Variants in SV2C observed in about 807,000 individuals in gnomAD.
The protein encoded by SV2C is solute carrier family 22 member B3.
In SV2C, 49 loss-of-function variants were observed where a neutral mutation model predicts 79.7. That is an observed-to-expected ratio of 0.61 (90% CI 0.49 to 0.78). The LOEUF (loss-of-function observed/expected upper bound fraction) is 0.78. SV2C is among the 30% of genes least tolerant of loss of function. The pLI is 0.00. For synonymous variants in SV2C, 334 were observed against 333.2 expected, an observed-to-expected ratio of 1.00 and a Z score of -0.03; for missense variants, 833 against 912.9, an observed-to-expected ratio of 0.91 and a Z score of 1.13.
intron 2 of SV2C, among the ~76,000 whole-genome samples, chr5:76,157,700 C>A (rs1400711926): frequency 6.6e-6 from 1 of 151,562 alleles, no homozygotes; most frequent in Non-Finnish European, 1.5e-5. Context: ...GTAACAAATT[C>A]ACATAAACAA....
the SV2C span, among the ~76,000 whole-genome samples, chr5:75,975,435 T>C: frequency 6.6e-6 from 1 of 152,306 alleles, no homozygotes; most frequent in South Asian, 2.1e-4. Flanking sequence ...ATAGACATAT[T>C]TTATTTCCAA....
intron 4 of SV2C, among the ~76,000 whole-genome samples, chr5:76,237,184 T>C (rs886107676): frequency 1.3e-5 from 2 of 152,206 alleles, no homozygotes; most frequent in Admixed American, 6.5e-5. Flanking sequence ...CACCAATCTA[T>C]ACCAATCAGT....
chr5:75,986,671 C>T, the SV2C span, among the ~76,000 whole-genome samples: 1 of 151,960 alleles, frequency 6.6e-6, no homozygotes, highest in East Asian at 1.9e-4. Context: ...GGACAGTCTT[C>T]GAAGGGCAGG....
chr5:76,114,609 C>T (rs1395174181), intron 1 of SV2C, among the ~76,000 whole-genome samples: 1 of 152,200 alleles, frequency 6.6e-6, no homozygotes, highest in Non-Finnish European at 1.5e-5. Flanking sequence ...TCACATTGCC[C>T]TGATTCCCTC....
At chr5:76,117,919 A>C (rs1198406794) in intron 1 of SV2C, among the ~76,000 whole-genome samples, 2 of 152,178 alleles carry the variant, frequency 1.3e-5, no homozygotes, top group Admixed American at 6.5e-5. Context: ...ACAGTGAAAA[A>C]CACTGTGCAT....
intron 4 of SV2C, among the ~76,000 whole-genome samples, chr5:76,244,106 T>G (rs1745875844): frequency 6.6e-6 from 1 of 152,170 alleles, no homozygotes; most frequent in Admixed American, 6.5e-5. Context: ...ATAACACACA[T>G]TCAATATGGC....
chr5:76,320,833 C>CT (rs1468916360), intron 12 of SV2C, among the ~76,000 whole-genome samples: 3 of 152,332 alleles, frequency 2.0e-5, no homozygotes, highest in African/African-American at 7.2e-5. Context: ...AGCTTACCCT[C>CT]TTCTCAAGAA....
At chr5:76,103,807 A>G (rs1419384552) in intron 1 of SV2C, among the ~76,000 whole-genome samples, 28 of 152,220 alleles carry the variant, frequency 1.8e-4, no homozygotes, top group Admixed American at 1.7e-3. Context: ...AATAATATCT[A>G]TTTTACACAA....
At chr5:76,034,260 C>T in the SV2C span, among the ~76,000 whole-genome samples, 63,048 of 151,518 alleles carry the variant, frequency 0.42, 15,122 homozygotes, top group Middle Eastern at 0.58. Flanking sequence ...TGCCTGATTG[C>T]CCTGGCCAGA....
intron 1 of SV2C, among the ~76,000 whole-genome samples, chr5:76,121,040 A>G (rs1748475498): frequency 6.6e-6 from 1 of 150,454 alleles, no homozygotes; most frequent in South Asian, 2.1e-4. Flanking sequence ...TTGTTTCCTG[A>G]CTTTTTAATG....
At chr5:75,958,366 A>C in the SV2C span, among the ~76,000 whole-genome samples, 1 of 151,928 alleles carries the variant, frequency 6.6e-6, no homozygotes. Context: ...AACCCTCATC[A>C]CTAGTAATTT....
chr5:76,279,662 G>A (rs921533403), intron 4 of SV2C, among the ~76,000 whole-genome samples: 1 of 152,136 alleles, frequency 6.6e-6, no homozygotes, highest in African/African-American at 2.4e-5. Context: ...TGAGAATACT[G>A]GGGGAGAAAG....
the SV2C span, among the ~76,000 whole-genome samples, chr5:75,848,603 C>T: frequency 3.9e-5 from 6 of 152,284 alleles, no homozygotes; most frequent in Non-Finnish European, 7.4e-5. Flanking sequence ...ACAGAAACAA[C>T]TTTGGGTTAT....
chr5:75,990,198 T>C, the SV2C span, among the ~76,000 whole-genome samples: 1 of 152,060 alleles, frequency 6.6e-6, no homozygotes, highest in Non-Finnish European at 1.5e-5. Context: ...GCCTTTGGCA[T>C]CTTCATCATG....
intron 2 of SV2C, among the ~76,000 whole-genome samples, chr5:76,179,273 A>G (rs1227302035): frequency 6.6e-6 from 1 of 152,210 alleles, no homozygotes; most frequent in African/African-American, 2.4e-5. Flanking sequence ...AGAATGAATG[A>G]ACGAATGCAG....
At chr5:76,303,433 C>T (rs554805726) in intron 12 of SV2C, among the ~76,000 whole-genome samples, 1 of 152,252 alleles carries the variant, frequency 6.6e-6, no homozygotes, top group Admixed American at 6.5e-5. Context: ...CACTGCACTC[C>T]AGCCTGAGCA....
the SV2C span, among the ~76,000 whole-genome samples, chr5:75,876,776 T>A: frequency 6.6e-6 from 1 of 152,034 alleles, no homozygotes; most frequent in Non-Finnish European, 1.5e-5. Flanking sequence ...AAGATGTGTA[T>A]GGCAAATCCT....
At chr5:75,929,398 G>T in the SV2C span, among the ~76,000 whole-genome samples, 1 of 151,948 alleles carries the variant, frequency 6.6e-6, no homozygotes, top group African/African-American at 2.4e-5. Flanking sequence ...CTAAGGCATG[G>T]TGGGGAAGCT....
At chr5:76,074,805 T>C in the SV2C span, among the ~76,000 whole-genome samples, 1 of 152,202 alleles carries the variant, frequency 6.6e-6, no homozygotes, top group Admixed American at 6.5e-5. Context: ...CAATTATTTG[T>C]CAAACACATT....
Sources: allele counts gnomAD v4.1 joint callset (sites outside exome capture counted in the v4.1 genomes callset), GRCh38; gene constraint gnomAD v4.1.1; transcripts MANE v1.5; gene names NCBI Gene and HGNC (gene_info 2026-07-23, HGNC 2026-07-21).